Variants in RPS6KC1 observed in about 807,000 individuals in gnomAD.
RPS6KC1 encodes ribosomal protein S6 kinase C1, also known as inactive ribosomal protein S6 kinase delta-1.
RPS6KC1 carries 54 observed loss-of-function variants against 103.8 expected under a neutral mutation model. The observed-to-expected ratio is 0.52, with a 90% CI of 0.42 to 0.65. The LOEUF (loss-of-function observed/expected upper bound fraction) is 0.65. Among genes scored for constraint, RPS6KC1 ranks in the 30% least tolerant of loss-of-function variants. The probability of loss-of-function intolerance (pLI) is 0.00; values close to 1 mark genes in which losing one functional copy is unlikely to be tolerated. For missense variants in RPS6KC1, 1,151 were observed against 1,253.8 expected (o/e 0.92, Z 1.24); for synonymous variants, 439 against 438.7 (o/e 1.00, Z -0.01).
chr1:213,259,971 T>C (rs967208530), intron 12 of RPS6KC1, among the ~76,000 whole-genome samples: 2 of 152,112 alleles, frequency 1.3e-5, no homozygotes, highest in East Asian at 1.9e-4. Context: ...ACCTCTGACC[T>C]CAGGTGATCC....
At chr1:213,238,121 T>A (rs978692829) in intron 10 of RPS6KC1, among the ~76,000 whole-genome samples, 1 of 152,070 alleles carries the variant, frequency 6.6e-6, no homozygotes, top group Non-Finnish European at 1.5e-5. Context: ...ATGAAGGAGA[T>A]AATAAAAGCA....
At chr1:213,787,489 T>C in the RPS6KC1 span, among the ~76,000 whole-genome samples, 1 of 152,152 alleles carries the variant, frequency 6.6e-6, no homozygotes, top group African/African-American at 2.4e-5. Context: ...AAAGTCTTTC[T>C]TAAATTTAAG....
At chr1:213,215,392 G>A (rs1380948636) in intron 8 of RPS6KC1, among the ~76,000 whole-genome samples, 2 of 152,198 alleles carry the variant, frequency 1.3e-5, no homozygotes, top group Non-Finnish European at 2.9e-5. Context: ...AAGACCAAAT[G>A]TACGTCTGAT....
Position 213,176,500 on chromosome 1 carries a change from T to A in RPS6KC1, c.1044+8T>A. 9 of 1,567,312 alleles carry A rather than the reference T, an allele frequency of 5.7e-6. No homozygotes were observed. The highest frequency in any genetic ancestry group is 6.1e-6 in the Non-Finnish European group (7 of 1,141,646). ...CTTGGGGTGATTGACAAGGTAATTCTTCAGTGTCTCTTCAAGAGTTCAGTC... is the reference window on the plus strand; with the variant it reads ...CTTGGGGTGATTGACAAGGTAATTCATCAGTGTCTCTTCAAGAGTTCAGTC... On this transcript the variant is annotated splice_region_variant and intron_variant, in intron 8 of 14. Transcript: ENST00000366960.
At chr1:213,348,156 T>C in the RPS6KC1 span, among the ~76,000 whole-genome samples, 29 of 152,260 alleles carry the variant, frequency 1.9e-4, no homozygotes, top group East Asian at 5.6e-3. Context: ...TGTTGAAATG[T>C]ACATTTCCGG....
At chr1:213,504,374 A>G in the RPS6KC1 span, among the ~76,000 whole-genome samples, 1 of 151,914 alleles carries the variant, frequency 6.6e-6, no homozygotes, top group South Asian at 2.1e-4. Flanking sequence ...AAATATATGG[A>G]ATTCCTTTTT....
chr1:213,317,361 A>C, the RPS6KC1 span, among the ~76,000 whole-genome samples: 3 of 152,190 alleles, frequency 2.0e-5, no homozygotes, highest in African/African-American at 7.2e-5. Flanking sequence ...GGCTGCCATA[A>C]GAAAAAGGTA....
downstream of RPS6KC1, among the ~76,000 whole-genome samples, chr1:213,278,625 C>T (rs941653004): frequency 1.3e-5 from 2 of 151,686 alleles, no homozygotes; most frequent in Admixed American, 6.6e-5. Flanking sequence ...CTCTTCATCC[C>T]CTCTTCATCC....
the RPS6KC1 span, among the ~76,000 whole-genome samples, chr1:213,714,888 C>T: frequency 1.3e-5 from 2 of 152,208 alleles, no homozygotes; most frequent in Admixed American, 6.5e-5. Flanking sequence ...TTAGGGCTAA[C>T]TGCAGCTCTG....
In RPS6KC1 at chr1:213,077,810, G is replaced by A; in HGVS notation, c.256G>A (p.Val86Met). 2.0e-6 allele frequency: 3 copies of A among 1,533,986 alleles called. No individual in the cohort carries two copies. Among genetic ancestry groups the A allele is most frequent in the Non-Finnish European group, 2.6e-6 (3 of 1,136,926 alleles). The change falls in exon 3 of 15, where the codon GTG becomes ATG. Residue 86 changes from valine to methionine, a missense_variant. Transcript: ENST00000366960. ...ELFPPFAKGI[V>M]FGRFDETVIE... The stretch of plus-strand genomic sequence containing the variant: ...GTTTCCTCCATTTGCTAAAGGAATA[G>A]TGTTTGGTAAGTGATTATTTTGAAA...
the RPS6KC1 span, among the ~76,000 whole-genome samples, chr1:213,381,386 T>C: frequency 6.6e-6 from 1 of 151,942 alleles, no homozygotes; most frequent in East Asian, 1.9e-4. Flanking sequence ...GGGCCAACCT[T>C]ATGTTGCACC....
the RPS6KC1 span, among the ~76,000 whole-genome samples, chr1:213,646,461 G>A: frequency 6.6e-6 from 1 of 152,172 alleles, no homozygotes; most frequent in South Asian, 2.1e-4. Flanking sequence ...TTTCAGACAG[G>A]GATTCCTGGT....
chr1:213,690,120 C>G, the RPS6KC1 span, among the ~76,000 whole-genome samples: 1 of 152,156 alleles, frequency 6.6e-6, no homozygotes, highest in African/African-American at 2.4e-5. Context: ...TTGAATGGCT[C>G]ATATTTGTCC....
At chr1:213,236,372 T>C (rs1450809075) in intron 10 of RPS6KC1, among the ~76,000 whole-genome samples, 1 of 152,186 alleles carries the variant, frequency 6.6e-6, no homozygotes, top group Non-Finnish European at 1.5e-5. Context: ...CAAATTGAAA[T>C]AATGGAGTTT....
At chr1:213,652,233 A>G in the RPS6KC1 span, among the ~76,000 whole-genome samples, 1 of 152,216 alleles carries the variant, frequency 6.6e-6, no homozygotes, top group Non-Finnish European at 1.5e-5. Context: ...AGTGCATTCT[A>G]CGTGCCTGGC....
chr1:213,377,422 T>C, the RPS6KC1 span, among the ~76,000 whole-genome samples: 1 of 152,230 alleles, frequency 6.6e-6, no homozygotes, highest in Non-Finnish European at 1.5e-5. Context: ...CATTTAGAGC[T>C]GCTCTATTGT....
the RPS6KC1 span, among the ~76,000 whole-genome samples, chr1:213,389,883 A>G: frequency 1.3e-5 from 2 of 151,984 alleles, no homozygotes; most frequent in African/African-American, 4.8e-5. Context: ...AAATTGTAAT[A>G]CACAGAGCAT....
At chr1:213,846,941 A>G in the RPS6KC1 span, among the ~76,000 whole-genome samples, 27 of 152,256 alleles carry the variant, frequency 1.8e-4, no homozygotes, top group East Asian at 5.2e-3. Context: ...CAAACAACAT[A>G]TTTTTGGGTT....
At chr1:213,248,964 G>C (rs1191721840) in intron 12 of RPS6KC1, among the ~76,000 whole-genome samples, 6 of 152,138 alleles carry the variant, frequency 3.9e-5, no homozygotes, top group Non-Finnish European at 8.8e-5. Flanking sequence ...CTGATATTTG[G>C]AGTGAAGGGT....
Sources: gnomAD v4.1 joint callset for allele counts (sites outside exome capture counted in the v4.1 genomes callset) on GRCh38, gnomAD v4.1.1 for gene constraint, MANE v1.5 for transcripts, NCBI Gene and HGNC (gene_info 2026-07-23, HGNC 2026-07-21) for gene names.